Variants in GRK3 observed in about 807,000 individuals in gnomAD.
GRK3 encodes the protein adrenergic, beta, receptor kinase 2.
A neutral mutation model predicts 95.7 loss-of-function variants in GRK3; 54 were observed. That is an observed-to-expected ratio of 0.56 (90% CI 0.45 to 0.71). The LOEUF (loss-of-function observed/expected upper bound fraction) is 0.71, where lower values mean the gene tolerates loss of function less well. Ranked by LOEUF, GRK3 falls within the 30% of genes least tolerant of loss-of-function variation. The pLI is 0.00. For synonymous variants in GRK3, 281 were observed against 290.8 expected (o/e 0.97, Z 0.34); for missense variants, 649 against 851.2 (o/e 0.76, Z 2.96).
At chr22:25,698,366 T>C (rs547423141) in intron 13 of GRK3, among the ~76,000 whole-genome samples, 1 of 152,276 alleles carries the variant, frequency 6.6e-6, no homozygotes, top group East Asian at 1.9e-4. Context: ...TAGCTATTGA[T>C]ATACACACCG....
intron 18 of GRK3, among the ~76,000 whole-genome samples, chr22:25,714,823 G>A (rs1205889029): frequency 6.6e-6 from 1 of 152,104 alleles, no homozygotes; most frequent in African/African-American, 2.4e-5. Flanking sequence ...GGAGTGCTTG[G>A]GGACTGGTTT....
chr22:25,708,413 C>G (rs1018028648), intron 15 of GRK3, among the ~76,000 whole-genome samples: 2 of 152,044 alleles, frequency 1.3e-5, no homozygotes, highest in African/African-American at 2.4e-5. Flanking sequence ...CTGCCTGCAT[C>G]CTCTGAGTGG....
rs746653093 is a variant in GRK3 at position 25,565,067 on chromosome 22, C to T, written c.27C>T (p.Ala9=). 3.1e-5 allele frequency: 48 copies of T among 1,525,706 alleles called. No homozygotes were observed. The highest frequency in any genetic ancestry group is 4.4e-5 in the African/African-American group (3 of 68,792). 94.5% of individuals were successfully genotyped at this position (1,525,706 alleles called of 1,614,324 possible). Reference sequence around the variant, plus strand: ...TGGCGGACCTGGAGGCTGTGCTGGCCGATGTCAGTTACCTGATGGCCATGG... The same window carrying T: ...TGGCGGACCTGGAGGCTGTGCTGGCTGATGTCAGTTACCTGATGGCCATGG... The part of the protein sequence containing the change: MADLEAVL[A]DVSYLMAMEK... Residue 9 remains alanine, a synonymous_variant, in exon 1 of 21, where the codon GCC becomes GCT. Transcript: ENST00000324198.
chr22:25,671,827 T>TACAGCTATTGAAC (rs2084985177), intron 6 of GRK3, among the ~76,000 whole-genome samples: 1 of 152,258 alleles, frequency 6.6e-6, no homozygotes, highest in South Asian at 2.1e-4. Context: ...AGTAGCCAGA[T>TACAGCTATTGAAC]ACAGCTATTG....
Position 25,602,917 on chromosome 22 carries a change from A to G in GRK3, c.114-1460A>G, listed in dbSNP as rs531646656. 5.3e-5 allele frequency among the ~76,000 whole-genome samples: 8 copies of G among 152,266 alleles called. No individual in the cohort carries two copies. The South Asian group carries it at 1.0e-3, about 20-fold the overall frequency. ...TTGTCAAAAGCACATTTAACAATAT[A>G]CTTTCTTTTTGTTTTTGGAGACAGA... On this transcript the variant is annotated intron_variant, in intron 1 of 20. Coordinates refer to ENST00000324198, the MANE Select transcript of GRK3 (RefSeq NM_005160.4).
chr22:25,617,265 GA>G (rs2084546803), intron 2 of GRK3, among the ~76,000 whole-genome samples: 1 of 152,204 alleles, frequency 6.6e-6, no homozygotes, highest in South Asian at 2.1e-4. Context: ...TATTTAAGAA[GA>G]TTGAAATTAG....
At chr22:25,666,130 C>T (rs1368631580) in intron 5 of GRK3, among the ~76,000 whole-genome samples, 3 of 152,160 alleles carry the variant, frequency 2.0e-5, no homozygotes, top group Admixed American at 6.5e-5. Context: ...AAGCCTGTTG[C>T]GGTTCTTTCT....
At chr22:25,671,968 T>A (rs1449372037) in intron 6 of GRK3, among the ~76,000 whole-genome samples, 1 of 152,238 alleles carries the variant, frequency 6.6e-6, no homozygotes, top group Non-Finnish European at 1.5e-5. Flanking sequence ...TCATGTTGAA[T>A]TTTTAATATA....
intron 13 of GRK3, among the ~76,000 whole-genome samples, chr22:25,701,267 G>A (rs557377395): frequency 5.9e-5 from 9 of 152,314 alleles, no homozygotes; most frequent in African/African-American, 1.7e-4. Context: ...TGCACACCAC[G>A]TGCCTCACTC....
At chr22:25,688,087 T>A (rs897118332) in intron 11 of GRK3, among the ~76,000 whole-genome samples, 1 of 151,900 alleles carries the variant, frequency 6.6e-6, no homozygotes, top group South Asian at 2.1e-4. Context: ...ATACAAAAAA[T>A]TAGCCGGGCG....
intron 13 of GRK3, among the ~76,000 whole-genome samples, chr22:25,701,834 G>C (rs1490772732): frequency 6.6e-6 from 1 of 152,188 alleles, no homozygotes; most frequent in Non-Finnish European, 1.5e-5. Flanking sequence ...GTTTTCATAA[G>C]ATTTGATAAA....
chr22:25,568,918 T>A (rs1330197571), intron 1 of GRK3, among the ~76,000 whole-genome samples: 1 of 152,230 alleles, frequency 6.6e-6, no homozygotes, highest in Non-Finnish European at 1.5e-5. Flanking sequence ...CTAAACATAG[T>A]CTCCATGGTG....
intron 2 of GRK3, among the ~76,000 whole-genome samples, chr22:25,620,881 A>C (rs937131197): frequency 6.6e-6 from 1 of 152,228 alleles, no homozygotes; most frequent in African/African-American, 2.4e-5. Context: ...TATCAGTAAG[A>C]GGGGGCTTAA....
intron 1 of GRK3, among the ~76,000 whole-genome samples, chr22:25,578,777 G>A (rs1180061275): frequency 1.3e-5 from 2 of 152,112 alleles, no homozygotes; most frequent in Non-Finnish European, 2.9e-5. Flanking sequence ...ATGTGAGACC[G>A]CAGTCCTACT....
At chr22:25,679,313 C>G (rs1378077761) in intron 9 of GRK3, among the ~76,000 whole-genome samples, 3 of 152,178 alleles carry the variant, frequency 2.0e-5, no homozygotes, top group Non-Finnish European at 2.9e-5. Context: ...AGAGAAGCGA[C>G]TTGGATTACT....
At chr22:25,572,436 C>T (rs1931736379) in intron 1 of GRK3, among the ~76,000 whole-genome samples, 2 of 152,182 alleles carry the variant, frequency 1.3e-5, no homozygotes, top group Non-Finnish European at 1.5e-5. Flanking sequence ...TCGCCACAGT[C>T]TTCCACAATG....
chr22:25,645,709 T>G (rs1166229249), intron 3 of GRK3, among the ~76,000 whole-genome samples: 1 of 151,882 alleles, frequency 6.6e-6, no homozygotes, highest in Non-Finnish European at 1.5e-5. Flanking sequence ...GATCACGAGG[T>G]CAGGAGATCG....
In GRK3 at chr22:25,687,594, G is replaced by T. The variant is rs200351696; in HGVS notation, c.884G>T (p.Arg295Leu). 1 of 1,614,052 alleles carries T rather than the reference G, an allele frequency of 6.2e-7. No homozygotes were observed. Among genetic ancestry groups the T allele is most frequent in the Non-Finnish European group, 8.5e-7 (1 of 1,179,940 alleles). ...QHGVFSEKEM[R>L]FYATEIILGL... ...GGTGTGTTCTCTGAGAAGGAGATGC[G>T]GTTTTATGCCACTGAAATCATTCTG... Residue 295 changes from arginine to leucine, a missense_variant, in exon 11 of 21, where the codon CGG becomes CTG. Physicochemically the swap from Arg to Leu is moderately radical, Grantham distance 102. Around this residue, in one of 3 missense-constraint regions of GRK3, gnomAD observed 382 missense variants for 493.8 expected, o/e 0.77. Coordinates refer to ENST00000324198, the MANE Select transcript of GRK3 (RefSeq NM_005160.4).
chr22:25,660,465 CA>C (rs1161478516), intron 3 of GRK3, among the ~76,000 whole-genome samples: 28 of 152,290 alleles, frequency 1.8e-4, no homozygotes, highest in African/African-American at 6.7e-4. Context: ...GATGATCTTT[CA>C]GGACAATTAA....
Sources: gnomAD v4.1 joint callset for allele counts (sites outside exome capture counted in the v4.1 genomes callset) on GRCh38, gnomAD v4.1.1 for gene constraint, gnomAD v4.1.1 regional missense constraint, MANE v1.5 for transcripts, NCBI Gene and HGNC (gene_info 2026-07-23, HGNC 2026-07-21) for gene names.